The following GRID2 variants were observed in gnomAD, a reference collection of about 807,000 sequenced individuals.
GRID2 encodes glutamate receptor ionotropic, delta-2.
In GRID2, 33 loss-of-function variants were observed where a neutral mutation model predicts 114.8. The ratio of observed to expected loss-of-function variants is 0.29; its 90% CI spans 0.22 to 0.38. The LOEUF is 0.38. GRID2 is among the 10% of genes least tolerant of loss of function. The probability of loss-of-function intolerance (pLI) is 1.00; values close to 1 mark genes in which losing one functional copy is unlikely to be tolerated. For synonymous variants in GRID2, 505 were observed against 449.9 expected, an observed-to-expected ratio of 1.12 and a Z score of -1.55; for missense variants, 1,184 against 1,257.7, an observed-to-expected ratio of 0.94 and a Z score of 0.89.
intron 13 of GRID2, among the ~76,000 whole-genome samples, chr4:93,566,146 G>C (rs1019773958): frequency 6.6e-6 from 1 of 152,104 alleles, no homozygotes; most frequent in Non-Finnish European, 1.5e-5. Flanking sequence ...ATTATTTAGA[G>C]AATGGAAAAG....
intron 2 of GRID2, among the ~76,000 whole-genome samples, chr4:93,049,171 C>T (rs928659796): frequency 4.6e-5 from 7 of 152,006 alleles, no homozygotes; most frequent in Non-Finnish European, 1.0e-4. Flanking sequence ...AGATTCTGCA[C>T]TCTTTTATTA....
At position 93,619,889 on chromosome 4, in the gene GRID2, C is replaced by T. The variant is rs376594735; in HGVS notation, c.2194-6380C>T. Among the ~76,000 whole-genome samples the T allele has an allele frequency of 1.5e-4, 23 of 152,304 alleles. No homozygotes were observed. The South Asian group carries it at 4.6e-3, about 30-fold the overall frequency. On this transcript the variant is annotated intron_variant, in intron 13 of 15. Transcript: ENST00000282020. The stretch of plus-strand genomic sequence containing the variant: ...CTTTACGTAACTGTTGTTTCTCAAA[C>T]TCCATAGGCTATACCTTACAGGCAA...
At chr4:93,545,747 A>G (rs1733152592) in intron 13 of GRID2, among the ~76,000 whole-genome samples, 1 of 152,194 alleles carries the variant, frequency 6.6e-6, no homozygotes, top group East Asian at 1.9e-4. Flanking sequence ...TAGTTGGACT[A>G]TAAAGCAAAT....
intron 1 of GRID2, among the ~76,000 whole-genome samples, chr4:92,481,034 T>TCTCA (rs1722561671): frequency 6.6e-6 from 1 of 152,096 alleles, no homozygotes; most frequent in South Asian, 2.1e-4. Context: ...GTAAGTATGA[T>TCTCA]CTCAATACAG....
chr4:93,803,168 A>AT (rs1734964873), intron 1 of GRID2, among the ~76,000 whole-genome samples: 1 of 152,090 alleles, frequency 6.6e-6, no homozygotes, highest in Admixed American at 6.6e-5. Context: ...ATTTTCTTCC[A>AT]TTTTCTTAAG....
intron 1 of GRID2, among the ~76,000 whole-genome samples, chr4:92,320,718 T>C (rs1726269638): frequency 6.6e-6 from 1 of 152,296 alleles, no homozygotes; most frequent in Non-Finnish European, 1.5e-5. Flanking sequence ...CCTCAAGCGA[T>C]CCACCTGCCT....
At chr4:93,220,050 G>A (rs1385873848) in intron 6 of GRID2, among the ~76,000 whole-genome samples, 2 of 151,904 alleles carry the variant, frequency 1.3e-5, no homozygotes, top group Non-Finnish European at 2.9e-5. Flanking sequence ...AGAGGACCAA[G>A]GTACAAGAGA....
At chr4:92,556,766 A>C (rs1367844677) in intron 1 of GRID2, among the ~76,000 whole-genome samples, 1 of 152,148 alleles carries the variant, frequency 6.6e-6, no homozygotes, top group Non-Finnish European at 1.5e-5. Context: ...TCCACAGAGT[A>C]GTTTACAACA....
At chr4:93,379,459 C>A (rs528113144) in intron 8 of GRID2, among the ~76,000 whole-genome samples, 6 of 152,070 alleles carry the variant, frequency 3.9e-5, no homozygotes, top group African/African-American at 4.8e-5. Flanking sequence ...GAAAGTCAAA[C>A]GTAGACTGGA....
intron 2 of GRID2, among the ~76,000 whole-genome samples, chr4:93,061,193 C>CTTGT (rs1553976776): frequency 9.6e-6 from 1 of 104,070 alleles, no homozygotes; most frequent in Non-Finnish European, 2.0e-5. Context: ...TCAGGTTTTT[C>CTTGT]TTGTTTTTTT....
chr4:92,860,259 C>A (rs1233266995), intron 2 of GRID2, among the ~76,000 whole-genome samples: 2 of 152,072 alleles, frequency 1.3e-5, no homozygotes, highest in African/African-American at 4.8e-5. Context: ...TTGTGTCCAC[C>A]TAACAATTTT....
At chr4:93,553,505 A>C (rs1733990965) in intron 13 of GRID2, among the ~76,000 whole-genome samples, 1 of 152,166 alleles carries the variant, frequency 6.6e-6, no homozygotes, top group Non-Finnish European at 1.5e-5. Flanking sequence ...TATTCTGATA[A>C]ACTTGCCTGC....
intron 2 of GRID2, among the ~76,000 whole-genome samples, chr4:92,645,483 C>G (rs1484744179): frequency 6.6e-6 from 1 of 151,754 alleles, no homozygotes; most frequent in Non-Finnish European, 1.5e-5. Flanking sequence ...CTCAAATTTT[C>G]TTAACAGTAC....
At chr4:92,331,346 C>A (rs539698518) in intron 1 of GRID2, among the ~76,000 whole-genome samples, 14 of 152,238 alleles carry the variant, frequency 9.2e-5, no homozygotes, top group African/African-American at 3.1e-4. Flanking sequence ...ATTCAGGTTA[C>A]GGCACTTAGC....
At chr4:92,495,899 A>T (rs1013287211) in intron 1 of GRID2, among the ~76,000 whole-genome samples, 1 of 151,892 alleles carries the variant, frequency 6.6e-6, no homozygotes, top group Non-Finnish European at 1.5e-5. Flanking sequence ...ATTCAACTCC[A>T]TGACATTGGC....
At chr4:93,410,602 A>C (rs1011846062) in intron 9 of GRID2, among the ~76,000 whole-genome samples, 1 of 152,130 alleles carries the variant, frequency 6.6e-6, no homozygotes, top group Non-Finnish European at 1.5e-5. Context: ...TGTTTGTTTG[A>C]GACAGAGTTT....
intron 2 of GRID2, among the ~76,000 whole-genome samples, chr4:92,995,232 A>G (rs2149209308): frequency 6.6e-6 from 1 of 152,220 alleles, no homozygotes; most frequent in East Asian, 1.9e-4. Context: ...TTTCCTCACA[A>G]GTGGATACAT....
intron 4 of GRID2, among the ~76,000 whole-genome samples, chr4:93,175,280 C>T (rs934032592): frequency 2.0e-4 from 30 of 152,288 alleles, no homozygotes; most frequent in African/African-American, 6.5e-4. Flanking sequence ...AAACAATTCT[C>T]CTGCCTCAGC....
chr4:92,365,142 C>A (rs1728792979), intron 1 of GRID2, among the ~76,000 whole-genome samples: 2 of 151,970 alleles, frequency 1.3e-5, no homozygotes, highest in African/African-American at 2.4e-5. Flanking sequence ...TCTTGGAATT[C>A]CATACCAAAT....
Sources: gnomAD v4.1 joint callset for allele counts (sites outside exome capture counted in the v4.1 genomes callset) on GRCh38, gnomAD v4.1.1 for gene constraint, MANE v1.5 for transcripts, NCBI Gene and HGNC (gene_info 2026-07-23, HGNC 2026-07-21) for gene names.